Variants in ROBO2 observed in about 807,000 individuals in gnomAD.
ROBO2 encodes the protein roundabout guidance receptor 2.
Under a neutral mutation model 160.8 loss-of-function variants are expected in ROBO2, and 53 were observed. The ratio of observed to expected loss-of-function variants is 0.33; its 90% CI spans 0.26 to 0.41. The LOEUF (loss-of-function observed/expected upper bound fraction) is 0.41, where lower values mean the gene tolerates loss of function less well. Ranked by LOEUF, ROBO2 falls within the 10% of genes least tolerant of loss-of-function variation. The pLI, the probability that ROBO2 is intolerant of heterozygous loss-of-function variation, is 1.00. For synonymous variants in ROBO2, 664 were observed against 611.7 expected, an observed-to-expected ratio of 1.09 and a Z score of -1.26; for missense variants, 1,577 against 1,722.4, an observed-to-expected ratio of 0.92 and a Z score of 1.49.
At chr3:76,620,805 G>A (rs1017017867) in intron 2 of ROBO2, among the ~76,000 whole-genome samples, 11 of 152,066 alleles carry the variant, frequency 7.2e-5, no homozygotes, top group Non-Finnish European at 1.3e-4. Flanking sequence ...ATAACAAAAC[G>A]CCGGTCTTGG....
chr3:77,409,519 T>C (rs2076527809), intron 2 of ROBO2, among the ~76,000 whole-genome samples: 1 of 152,122 alleles, frequency 6.6e-6, no homozygotes, highest in African/African-American at 2.4e-5. Context: ...ATATATCAGT[T>C]GAGATTTTCT....
At chr3:76,882,880 G>A (rs1389997977) in intron 2 of ROBO2, among the ~76,000 whole-genome samples, 1 of 152,144 alleles carries the variant, frequency 6.6e-6, no homozygotes, top group East Asian at 1.9e-4. Flanking sequence ...TTTTGAAGGT[G>A]AATAACTCTT....
At chr3:77,009,036 A>C (rs1215009529) in intron 2 of ROBO2, among the ~76,000 whole-genome samples, 2 of 152,210 alleles carry the variant, frequency 1.3e-5, no homozygotes, top group African/African-American at 4.8e-5. Flanking sequence ...AGGATACTGA[A>C]GCATTCTTGC....
chr3:76,787,328 CCACACACACA>C (rs60806662), intron 2 of ROBO2, among the ~76,000 whole-genome samples: 9 of 142,170 alleles, frequency 6.3e-5, no homozygotes, highest in South Asian at 4.6e-4. Flanking sequence ...TGTAAACACA[CCACACACACA>C]CACACACACA....
chr3:76,327,030 C>G (rs1269505672), intron 2 of ROBO2, among the ~76,000 whole-genome samples: 1 of 151,810 alleles, frequency 6.6e-6, no homozygotes, highest in African/African-American at 2.4e-5. Flanking sequence ...TTATGAATAT[C>G]TTTGAGTATA....
intron 5 of ROBO2, among the ~76,000 whole-genome samples, chr3:77,519,315 G>A (rs191838604): frequency 3.3e-4 from 50 of 151,254 alleles, no homozygotes; most frequent in African/African-American, 1.2e-3. Flanking sequence ...CAAATATTAT[G>A]TATTTAGTAA....
rs542453368 is a variant in ROBO2 at position 77,556,629 on chromosome 3, A to G, written c.1232-1315A>G. Among the ~76,000 whole-genome samples, 4 of 152,076 alleles carry G rather than the reference A, an allele frequency of 2.6e-5. No homozygotes were observed. The East Asian group carries it at 7.7e-4, about 29-fold the overall frequency. ...AGATAGTAATTTTAAGCTGCCATTT[A>G]TAAAAGCTGGTGGGCAAAGGAAATT... On this transcript the variant is annotated intron_variant, in intron 8 of 25. Coordinates refer to ENST00000461745, the Ensembl canonical transcript of ROBO2.
chr3:75,961,013 G>A (rs529511110), intron 2 of ROBO2, among the ~76,000 whole-genome samples: 6 of 151,690 alleles, frequency 4.0e-5, no homozygotes, highest in African/African-American at 1.4e-4. Context: ...AATTTGAGGT[G>A]TTTTAACTCT....
intron 2 of ROBO2, among the ~76,000 whole-genome samples, chr3:76,599,877 C>T (rs2087005469): frequency 6.6e-6 from 1 of 152,034 alleles, no homozygotes; most frequent in Admixed American, 6.6e-5. Context: ...ATGTCCTTTC[C>T]CGCTTTTTAA....
At chr3:76,940,176 G>T (rs1171966340) in intron 2 of ROBO2, among the ~76,000 whole-genome samples, 2 of 151,978 alleles carry the variant, frequency 1.3e-5, no homozygotes, top group African/African-American at 4.8e-5. Flanking sequence ...TAGAGACGGG[G>T]TTTCACCGTG....
intron 2 of ROBO2, among the ~76,000 whole-genome samples, chr3:76,500,975 C>G (rs72900591): frequency 0.07 from 5,530 of 78,942 alleles, 354 homozygotes; most frequent in African/African-American, 0.14. Context: ...TTCTAGAAGG[C>G]CTGGCTTGAC....
intron 21 of ROBO2, among the ~76,000 whole-genome samples, chr3:77,612,250 T>C (rs946004493): frequency 2.0e-5 from 3 of 152,204 alleles, no homozygotes; most frequent in African/African-American, 4.8e-5. Flanking sequence ...ATTCTGTCAC[T>C]CAAATAAGAT....
chr3:76,535,358 A>C (rs1278992772), intron 2 of ROBO2, among the ~76,000 whole-genome samples: 1 of 152,052 alleles, frequency 6.6e-6, no homozygotes, highest in Non-Finnish European at 1.5e-5. Context: ...GAATGATAAC[A>C]GCTTTAGTCT....
chr3:77,248,274 A>C (rs1242425352), intron 2 of ROBO2, among the ~76,000 whole-genome samples: 1 of 152,142 alleles, frequency 6.6e-6, no homozygotes, highest in Non-Finnish European at 1.5e-5. Flanking sequence ...ATCTCCAGTT[A>C]GTTCATGCAA....
rs974693305 is a variant in ROBO2 at position 76,337,478 on chromosome 3, T to C, written c.109+399876T>C. 2.0e-5 allele frequency among the ~76,000 whole-genome samples: 3 copies of C among 152,218 alleles called. 1 individual carries two copies. Among genetic ancestry groups the C allele is most frequent in the Non-Finnish European group, 1.5e-5 (1 of 68,038 alleles). ...TTTACCTTTGCTAACAAAACCATTT[T>C]ATTTTCTCTTATTTGGTTACGGCTT... On this transcript the variant is annotated intron_variant, in intron 2 of 26. Coordinates refer to the ROBO2 transcript ENST00000487694.
chr3:76,197,641 A>G (rs1702324895), intron 2 of ROBO2, among the ~76,000 whole-genome samples: 1 of 152,174 alleles, frequency 6.6e-6, no homozygotes. Context: ...CTAAGTAGTG[A>G]AGGTATTTTT....
In ROBO2 at chr3:76,570,731, T is replaced by C. The variant is rs368621603; in HGVS notation, c.110-527283T>C. Among the ~76,000 whole-genome samples, 3 of 152,304 alleles carry C rather than the reference T, an allele frequency of 2.0e-5. No homozygotes were observed. The South Asian group carries it at 6.2e-4, about 32-fold the overall frequency. On this transcript the variant is annotated intron_variant, in intron 2 of 26. Transcript: ENST00000487694. The stretch of plus-strand genomic sequence containing the variant: ...ACATACAGGCTGCTGAAGATTTACA[T>C]TAATAACTTGTGCAAGAATCGTCAA...
Position 76,160,123 on chromosome 3 carries a change from CA to C in ROBO2, c.109+222523del, listed in dbSNP as rs1454537549. Among the ~76,000 whole-genome samples the C allele has an allele frequency of 3.3e-5, 5 of 152,106 alleles. No homozygotes were observed. The East Asian group carries it at 9.7e-4, about 29-fold the overall frequency. On this transcript the variant is annotated intron_variant, in intron 2 of 26. Coordinates refer to the ROBO2 transcript ENST00000487694. ...ATTTTTTGGCTCTGCAGAAAGTCAA[CA>C]AGCAAAATGGCTTGAGCATCGCAAA...
chr3:76,604,921 C>A (rs1365286557), intron 2 of ROBO2, among the ~76,000 whole-genome samples: 1 of 152,080 alleles, frequency 6.6e-6, no homozygotes, highest in East Asian at 1.9e-4. Flanking sequence ...TACATTTATA[C>A]AGCAAAGGTT....
Sources: allele counts gnomAD v4.1 joint callset (sites outside exome capture counted in the v4.1 genomes callset), GRCh38; gene constraint gnomAD v4.1.1; transcripts MANE v1.5; gene names NCBI Gene and HGNC (gene_info 2026-07-23, HGNC 2026-07-21).